Variants in NTM observed in about 807,000 individuals in gnomAD.
The protein encoded by NTM is IgLON family member 2.
NTM carries 13 observed loss-of-function variants against 42.1 expected under a neutral mutation model. The ratio of observed to expected loss-of-function variants is 0.31; its 90% CI spans 0.20 to 0.49. The LOEUF is 0.49. Ranked by LOEUF, NTM falls within the 20% of genes least tolerant of loss-of-function variation. The pLI is 0.99. For missense variants in NTM, 373 were observed against 452.8 expected, an observed-to-expected ratio of 0.82 and a Z score of 1.60; for synonymous variants, 187 against 179.2, an observed-to-expected ratio of 1.04 and a Z score of -0.35.
chr11:132,259,418 G>A (rs943925525), intron 4 of NTM, among the ~76,000 whole-genome samples: 3 of 152,124 alleles, frequency 2.0e-5, no homozygotes, highest in Admixed American at 6.5e-5. Flanking sequence ...TTGGTGGCTC[G>A]TGCCTGTAAT....
At chr11:131,688,370 A>T (rs1238249010) in intron 1 of NTM, among the ~76,000 whole-genome samples, 1 of 152,198 alleles carries the variant, frequency 6.6e-6, no homozygotes, top group Non-Finnish European at 1.5e-5. Flanking sequence ...CACGCCACTA[A>T]CTCAGAAAAA....
intron 1 of NTM, among the ~76,000 whole-genome samples, chr11:131,486,244 G>T (rs561626674): frequency 1.3e-5 from 2 of 152,310 alleles, no homozygotes; most frequent in South Asian, 4.1e-4. Context: ...AGGGAGTTGA[G>T]TGCTAGAAGT....
chr11:131,650,160 G>A (rs906541730), intron 1 of NTM, among the ~76,000 whole-genome samples: 3 of 152,138 alleles, frequency 2.0e-5, no homozygotes, highest in East Asian at 3.9e-4. Flanking sequence ...GCAGTCCCAG[G>A]TACCATTTCA....
At chr11:131,395,987 G>C (rs971075329) in intron 1 of NTM, among the ~76,000 whole-genome samples, 1 of 152,148 alleles carries the variant, frequency 6.6e-6, no homozygotes, top group Non-Finnish European at 1.5e-5. Flanking sequence ...TAAGACCCAG[G>C]GTCCTGACGT....
chr11:131,782,526 C>CA (rs2088356862), intron 1 of NTM, among the ~76,000 whole-genome samples: 1 of 151,908 alleles, frequency 6.6e-6, no homozygotes, highest in African/African-American at 2.4e-5. Flanking sequence ...ACACTTATAT[C>CA]AAAATCAAAG....
intron 1 of NTM, among the ~76,000 whole-genome samples, chr11:131,557,055 C>CTTTTTTT (rs970811707): frequency 1.3e-5 from 2 of 151,946 alleles, no homozygotes; most frequent in African/African-American, 4.8e-5. Context: ...TGATTTGTAA[C>CTTTTTTT]TTTTTTTCTT....
intron 3 of NTM, among the ~76,000 whole-genome samples, chr11:132,192,555 A>C (rs2079484230): frequency 6.6e-6 from 1 of 152,246 alleles, no homozygotes; most frequent in South Asian, 2.1e-4. Context: ...TGCCATGCTT[A>C]AGTATGTAGC....
At chr11:131,930,901 A>T (rs1219795690) in intron 2 of NTM, among the ~76,000 whole-genome samples, 2 of 152,240 alleles carry the variant, frequency 1.3e-5, no homozygotes, top group African/African-American at 4.8e-5. Flanking sequence ...CAGTCATTTC[A>T]GGTAATTAAC....
chr11:131,632,964 C>T (rs949847601), intron 1 of NTM, among the ~76,000 whole-genome samples: 3 of 146,868 alleles, frequency 2.0e-5, no homozygotes, highest in South Asian at 2.1e-4. Flanking sequence ...TGAGCCACCG[C>T]GCCACTCGGG....
chr11:131,450,230 T>C (rs1950379053), intron 1 of NTM, among the ~76,000 whole-genome samples: 1 of 152,206 alleles, frequency 6.6e-6, no homozygotes, highest in Non-Finnish European at 1.5e-5. Flanking sequence ...AACTCCTTTC[T>C]TGGTCCTCAG....
chr11:132,065,842 T>C (rs2056397706), intron 2 of NTM, among the ~76,000 whole-genome samples: 1 of 152,226 alleles, frequency 6.6e-6, no homozygotes, highest in African/African-American at 2.4e-5. Context: ...TACATTAAAC[T>C]CAGAAAGGTA....
intron 1 of NTM, among the ~76,000 whole-genome samples, chr11:131,609,371 T>G (rs1191785929): frequency 6.6e-6 from 1 of 152,244 alleles, no homozygotes; most frequent in East Asian, 1.9e-4. Context: ...TAAAGTCATT[T>G]AAACCCAGAC....
chr11:131,620,670 G>T (rs896573318), intron 1 of NTM, among the ~76,000 whole-genome samples: 6 of 152,176 alleles, frequency 3.9e-5, no homozygotes, highest in African/African-American at 1.4e-4. Context: ...TGGGCTGCTC[G>T]CTGACTTCAC....
At chr11:131,741,837 G>C (rs1475602586) in intron 1 of NTM, among the ~76,000 whole-genome samples, 1 of 152,214 alleles carries the variant, frequency 6.6e-6, no homozygotes, top group Non-Finnish European at 1.5e-5. Context: ...ACGTCCATCA[G>C]TGGTAGATTG....
At chr11:132,252,643 C>A (rs2092074052) in intron 4 of NTM, among the ~76,000 whole-genome samples, 1 of 152,138 alleles carries the variant, frequency 6.6e-6, no homozygotes, top group Admixed American at 6.5e-5. Context: ...CTTTGAGATA[C>A]TTCTTGGTAA....
At chr11:131,916,993 A>G (rs2138127714) in intron 2 of NTM, among the ~76,000 whole-genome samples, 1 of 152,248 alleles carries the variant, frequency 6.6e-6, no homozygotes, top group Non-Finnish European at 1.5e-5. Context: ...CTGATACCAA[A>G]TCAAAATAAT....
intron 2 of NTM, among the ~76,000 whole-genome samples, chr11:132,006,806 T>A (rs1006989089): frequency 6.6e-6 from 1 of 152,240 alleles, no homozygotes; most frequent in Admixed American, 6.5e-5. Context: ...CCTCTGTGGT[T>A]ATAGAATAGC....
intron 1 of NTM, among the ~76,000 whole-genome samples, chr11:131,399,498 G>A (rs149262635): frequency 1.5e-4 from 23 of 152,286 alleles, no homozygotes; most frequent in African/African-American, 5.3e-4. Context: ...CAAGATTGCT[G>A]TATTTGTCAC....
At chr11:131,890,162 C>CTCTGTATCTA (rs1302888099) in intron 1 of NTM, among the ~76,000 whole-genome samples, 8 of 147,904 alleles carry the variant, frequency 5.4e-5, no homozygotes, top group African/African-American at 1.8e-4. Context: ...CTCTGTCTCT[C>CTCTGTATCTA]TCTCTCTCTC....
Sources: gnomAD v4.1 joint callset for allele counts (sites outside exome capture counted in the v4.1 genomes callset) on GRCh38, gnomAD v4.1.1 for gene constraint, MANE v1.5 for transcripts, NCBI Gene and HGNC (gene_info 2026-07-23, HGNC 2026-07-21) for gene names.